The following USP34 variants were observed in gnomAD, a reference collection of about 807,000 sequenced individuals.
USP34 encodes the protein ubiquitin carboxyl-terminal hydrolase 34.
Under a neutral mutation model 460.3 loss-of-function variants are expected in USP34, and 70 were observed. The observed-to-expected ratio is 0.15, with a 90% CI of 0.13 to 0.19. The LOEUF is 0.19. USP34 is among the 10% of genes least tolerant of loss of function. The pLI is 1.00. For missense variants in USP34, 3,985 were observed against 4,236.2 expected (o/e 0.94, Z 1.65); for synonymous variants, 1,647 against 1,405.3 (o/e 1.17, Z -3.85).
intron 67 of USP34, among the ~76,000 whole-genome samples, chr2:61,219,425 C>T (rs898725259): frequency 1.2e-4 from 18 of 152,166 alleles, no homozygotes; most frequent in Non-Finnish European, 1.5e-5. Context: ...AATCCCAACA[C>T]TTTGGGAGGC....
chr2:61,275,235 T>C (rs1689336561), intron 41 of USP34, among the ~76,000 whole-genome samples: 1 of 152,096 alleles, frequency 6.6e-6, no homozygotes, highest in African/African-American at 2.4e-5. Flanking sequence ...GCTGAGATCA[T>C]GCCACTGAAG....
At chr2:61,379,327 T>C (rs899688853) in intron 7 of USP34, among the ~76,000 whole-genome samples, 89 of 152,322 alleles carry the variant, frequency 5.8e-4, no homozygotes, top group Admixed American at 1.8e-3. Flanking sequence ...CAGACCAGCC[T>C]GGCCAACACG....
intron 3 of USP34, among the ~76,000 whole-genome samples, chr2:61,401,482 CTT>C (rs1693716927): frequency 6.7e-6 from 1 of 150,086 alleles, no homozygotes; most frequent in South Asian, 2.1e-4. Flanking sequence ...AAGTGGTCCT[CTT>C]GTCTTGGCTT....
intron 3 of USP34, among the ~76,000 whole-genome samples, chr2:61,399,300 GCCACCGCACTC>G (rs1290784327): frequency 1.3e-5 from 2 of 148,984 alleles, no homozygotes; most frequent in African/African-American, 5.0e-5. Flanking sequence ...CTGTTATCAT[GCCACCGCACTC>G]CAGCCTGGGC....
At chr2:61,247,955 T>G (rs562395566) in intron 49 of USP34, among the ~76,000 whole-genome samples, 1 of 152,002 alleles carries the variant, frequency 6.6e-6, no homozygotes, top group Non-Finnish European at 1.5e-5. Flanking sequence ...AGGAGGCCAA[T>G]GCAGGTGGAT....
rs760349951 is a variant in USP34, at chr2:61,246,304, T to C, written c.6548+20A>G. ...ACTACCATAAATTGTTAAAGAAGTT[T>C]TGAAATATTTAAAACTCACCATTTA... On this transcript the variant is annotated intron_variant, in intron 50 of 79. Coordinates refer to ENST00000398571, the MANE Select transcript of USP34 (RefSeq NM_014709.4). 7 of 1,501,742 alleles carry C rather than the reference T, an allele frequency of 4.7e-6. No homozygotes were observed. The highest frequency in any genetic ancestry group is 2.4e-5 in the East Asian group (1 of 41,676). The allele number at this position is 1,501,742 out of a possible 1,614,324, so 93.0% of individuals were successfully genotyped here. A position where few individuals can be genotyped will look rare whatever the true frequency, so the allele number is the denominator to read the frequency against.
At chr2:61,258,011 C>G (rs1213327508) in intron 44 of USP34, among the ~76,000 whole-genome samples, 2 of 152,108 alleles carry the variant, frequency 1.3e-5, no homozygotes, top group Non-Finnish European at 2.9e-5. Context: ...GTCATTTAAA[C>G]CAGCAATTTT....
At chr2:61,450,217 G>A (rs1343095142) in intron 1 of USP34, among the ~76,000 whole-genome samples, 5 of 152,090 alleles carry the variant, frequency 3.3e-5, no homozygotes, top group African/African-American at 4.8e-5. Flanking sequence ...CCATATACAC[G>A]AAAGGTTCAG....
chr2:61,246,192 T>C (rs1290574130), intron 50 of USP34, 132 bp downstream of exon 50: 2 of 587,348 alleles, frequency 3.4e-6, no homozygotes, highest in Non-Finnish European at 5.3e-6. Flanking sequence ...CTGTTGAAAG[T>C]TATCTTCATT....
At chr2:61,263,812 T>G (rs571603162) in intron 43 of USP34, among the ~76,000 whole-genome samples, 2 of 152,130 alleles carry the variant, frequency 1.3e-5, no homozygotes, top group Non-Finnish European at 2.9e-5. Context: ...CTGGTAGAGA[T>G]AGGGTTTCAC....
chr2:61,434,775 G>GA (rs1208183949), intron 1 of USP34, among the ~76,000 whole-genome samples: 1 of 151,300 alleles, frequency 6.6e-6, no homozygotes, highest in African/African-American at 2.4e-5. Context: ...GAAAGGGGGG[G>GA]GGTTCCAACA....
chr2:61,314,507 T>G, intron 25 of USP34, 78 bp downstream of exon 25: 3 of 1,293,950 alleles, frequency 2.3e-6, no homozygotes, highest in Non-Finnish European at 2.0e-6. Flanking sequence ...AAACTTTAGA[T>G]TCACTTTAAG....
chr2:61,437,473 CA>C (rs1369317572), intron 1 of USP34, among the ~76,000 whole-genome samples: 2 of 151,910 alleles, frequency 1.3e-5, no homozygotes, highest in Non-Finnish European at 2.9e-5. Flanking sequence ...AAGATTGAAC[CA>C]ATAAGAAATA....
intron 67 of USP34, among the ~76,000 whole-genome samples, chr2:61,219,287 C>CA (rs773455061): frequency 3.4e-4 from 52 of 152,174 alleles, no homozygotes; most frequent in Non-Finnish European, 1.8e-4. Flanking sequence ...GGATATTCCA[C>CA]ACACATCTTG....
intron 18 of USP34, 37 bp from the exon 19 acceptor site, chr2:61,334,008 A>C (rs1298402863): frequency 1.4e-6 from 2 of 1,433,408 alleles, no homozygotes; most frequent in Non-Finnish European, 1.9e-6. Flanking sequence ...TAATTTTAGT[A>C]ATTCTTTTTA....
At chr2:61,460,682 C>T (rs1041622180) in intron 1 of USP34, among the ~76,000 whole-genome samples, 1 of 151,978 alleles carries the variant, frequency 6.6e-6, no homozygotes, top group Non-Finnish European at 1.5e-5. Context: ...CATAGAATTT[C>T]GATTCATAAA....
chr2:61,459,062 T>C (rs548046555), intron 1 of USP34, among the ~76,000 whole-genome samples: 2 of 152,230 alleles, frequency 1.3e-5, no homozygotes, highest in Non-Finnish European at 2.9e-5. Flanking sequence ...CAAGACTCCA[T>C]CTCGGGAAAA....
At chr2:61,403,842 A>C (rs1300119863) in intron 3 of USP34, among the ~76,000 whole-genome samples, 2 of 151,872 alleles carry the variant, frequency 1.3e-5, no homozygotes, top group Non-Finnish European at 2.9e-5. Flanking sequence ...CAAAGAAAAA[A>C]ATTAGCCGGG....
At chr2:61,202,816 C>G (rs1687014118) in intron 75 of USP34, among the ~76,000 whole-genome samples, 1 of 152,072 alleles carries the variant, frequency 6.6e-6, no homozygotes, top group African/African-American at 2.4e-5. Flanking sequence ...ACGCCTGCCT[C>G]CCTAAGCAGA....
Sources: allele counts gnomAD v4.1 joint callset (sites outside exome capture counted in the v4.1 genomes callset), GRCh38; gene constraint gnomAD v4.1.1; transcripts MANE v1.5; gene names NCBI Gene and HGNC (gene_info 2026-07-23, HGNC 2026-07-21).